The following RAPGEF2 variants were observed in gnomAD, a reference collection of about 807,000 sequenced individuals.
RAPGEF2 encodes the protein PDZ domain containing guanine nucleotide exchange factor (GEF) 1.
A neutral mutation model predicts 186.7 loss-of-function variants in RAPGEF2; 54 were observed. That is an observed-to-expected ratio of 0.29 (90% CI 0.23 to 0.36). The LOEUF is 0.36. Among genes scored for constraint, RAPGEF2 ranks in the 10% least tolerant of loss-of-function variants. RAPGEF2 has a pLI of 1.00. For missense variants in RAPGEF2, 1,532 were observed against 2,045.0 expected (o/e 0.75, Z 4.84); for synonymous variants, 712 against 705.9 (o/e 1.01, Z -0.14).
At chr4:159,333,375 C>A (rs1766965771) in intron 17 of RAPGEF2, among the ~76,000 whole-genome samples, 1 of 152,124 alleles carries the variant, frequency 6.6e-6, no homozygotes. Context: ...TGGGTATCTT[C>A]TTTACCAACA....
At chr4:159,295,748 T>C (rs1211861979) in intron 7 of RAPGEF2, among the ~76,000 whole-genome samples, 3,881 of 111,750 alleles carry the variant, frequency 0.035, 70 homozygotes, top group Non-Finnish European at 0.042. Context: ...TGTGTGTGTG[T>C]GTGTGTGCGC....
At chr4:159,198,274 CT>C (rs1226501747) in intron 3 of RAPGEF2, among the ~76,000 whole-genome samples, 1 of 5,510 alleles carries the variant, frequency 1.8e-4, no homozygotes, top group Non-Finnish European at 3.5e-4. Flanking sequence ...TTCTTTCCTT[CT>C]TTCTTTCTTT....
chr4:159,302,345 T>TA (rs1554031543), intron 7 of RAPGEF2, among the ~76,000 whole-genome samples: 1,565 of 152,048 alleles, frequency 0.01, 24 homozygotes, highest in African/African-American at 0.034. Flanking sequence ...TTAATTTTTT[T>TA]AAAAAATCAC....
chr4:159,303,551 A>G (rs919451876), intron 7 of RAPGEF2, among the ~76,000 whole-genome samples: 14 of 152,158 alleles, frequency 9.2e-5, no homozygotes, highest in Non-Finnish European at 1.9e-4. Flanking sequence ...TAAGATTCTT[A>G]AGAACCTTAC....
At chr4:159,283,399 G>A (rs945469088) in intron 7 of RAPGEF2, among the ~76,000 whole-genome samples, 2 of 152,270 alleles carry the variant, frequency 1.3e-5, no homozygotes, top group South Asian at 4.1e-4. Context: ...TATTGGTTCA[G>A]ATGTGTTATC....
intron 13 of RAPGEF2, among the ~76,000 whole-genome samples, chr4:159,331,224 T>G (rs1056539308): frequency 1.3e-5 from 2 of 152,228 alleles, no homozygotes; most frequent in African/African-American, 4.8e-5. Context: ...GAACCTTTCC[T>G]GGCAAAGCAA....
intron 4 of RAPGEF2, 117 bp downstream of exon 4, chr4:159,210,700 A>G: frequency 2.8e-6 from 2 of 724,364 alleles, no homozygotes; most frequent in Admixed American, 2.8e-5. Context: ...AAAGCAAGAC[A>G]GTACTTTGGG....
At chr4:159,277,920 G>A (rs532506128) in intron 7 of RAPGEF2, among the ~76,000 whole-genome samples, 3 of 151,522 alleles carry the variant, frequency 2.0e-5, no homozygotes, top group Admixed American at 1.3e-4. Flanking sequence ...GCAGAAGCTC[G>A]TTAGTTTAAT....
intron 25 of RAPGEF2, among the ~76,000 whole-genome samples, chr4:159,348,459 G>A (rs930976375): frequency 6.6e-6 from 1 of 152,094 alleles, no homozygotes; most frequent in East Asian, 1.9e-4. Flanking sequence ...ATCAGCAAGT[G>A]TCCTCTTTAT....
Position 159,119,948 on chromosome 4 carries a change from G to A in RAPGEF2, c.69+15717G>A, listed in dbSNP as rs566419927. On this transcript the variant is annotated intron_variant, in intron 1 of 29. Transcript: ENST00000691494. ...ATTGTATGTACTGATATGTCTACTT[G>A]TAGTAATACTTTGTCATTTTTTTAG... Among the ~76,000 whole-genome samples the A allele has an allele frequency of 3.3e-5, 5 of 152,198 alleles. No individual in the cohort carries two copies. The South Asian group carries it at 1.0e-3, about 32-fold the overall frequency.
intron 4 of RAPGEF2, among the ~76,000 whole-genome samples, chr4:159,225,105 G>C (rs921182649): frequency 6.6e-6 from 1 of 152,172 alleles, no homozygotes; most frequent in Non-Finnish European, 1.5e-5. Flanking sequence ...GATAACCTGG[G>C]TCACCTGAGA....
At chr4:159,294,276 C>T (rs997325819) in intron 7 of RAPGEF2, among the ~76,000 whole-genome samples, 12 of 152,086 alleles carry the variant, frequency 7.9e-5, no homozygotes, top group Admixed American at 3.3e-4. Context: ...CACTCATTTC[C>T]CGAGCTCCAT....
intron 19 of RAPGEF2, among the ~76,000 whole-genome samples, chr4:159,341,344 A>G (rs558431953): frequency 1.1e-4 from 16 of 152,340 alleles, no homozygotes; most frequent in Admixed American, 2.6e-4. Flanking sequence ...GTGAAATTCC[A>G]TGTGATTTGT....
intron 4 of RAPGEF2, 96 bp from the exon 5 acceptor site, chr4:159,238,706 GTTTTTAA>G: frequency 1.4e-6 from 1 of 699,226 alleles, no homozygotes; most frequent in Middle Eastern, 3.3e-4. Flanking sequence ...TTTTGTAATT[GTTTTTAA>G]TTTTTATTTA....
intron 3 of RAPGEF2, among the ~76,000 whole-genome samples, chr4:159,193,695 ATAATAT>A (rs755568097): frequency 6.6e-6 from 1 of 152,252 alleles, no homozygotes; most frequent in Admixed American, 6.5e-5. Flanking sequence ...GCATCTTTCG[ATAATAT>A]TAATATTCTT....
At chr4:159,331,404 A>T (rs1342281348) in intron 13 of RAPGEF2, 27 bp from the exon 14 acceptor site, 1 of 1,456,656 alleles carries the variant, frequency 6.9e-7, no homozygotes, top group Non-Finnish European at 9.4e-7. Context: ...TAAAAAGGAA[A>T]CTTATTGAAA....
At chr4:159,146,622 T>C (rs1172720247) in intron 1 of RAPGEF2, among the ~76,000 whole-genome samples, 1 of 152,210 alleles carries the variant, frequency 6.6e-6, no homozygotes, top group East Asian at 1.9e-4. Context: ...TGTCTGTATA[T>C]GTAATAATAG....
At chr4:159,143,549 G>A (rs1561007659) in intron 1 of RAPGEF2, among the ~76,000 whole-genome samples, 1 of 152,172 alleles carries the variant, frequency 6.6e-6, no homozygotes, top group Non-Finnish European at 1.5e-5. Context: ...AGGAGGATTT[G>A]TAATACCATG....
chr4:159,310,541 GT>G (rs1383655376), intron 8 of RAPGEF2, among the ~76,000 whole-genome samples: 1 of 151,936 alleles, frequency 6.6e-6, no homozygotes, highest in East Asian at 1.9e-4. Flanking sequence ...AAATAAATTG[GT>G]TTTAAGAACT....
Sources: allele counts gnomAD v4.1 joint callset (sites outside exome capture counted in the v4.1 genomes callset), GRCh38; gene constraint gnomAD v4.1.1; transcripts MANE v1.5; gene names NCBI Gene and HGNC (gene_info 2026-07-23, HGNC 2026-07-21).